Variants in TGFBR3 observed in about 807,000 individuals in gnomAD.
The protein encoded by TGFBR3 is transforming growth factor beta receptor type 3.
Under a neutral mutation model 87.9 loss-of-function variants are expected in TGFBR3, and 46 were observed. The observed-to-expected ratio is 0.52, with a 90% CI of 0.41 to 0.67. The LOEUF (loss-of-function observed/expected upper bound fraction) is 0.67, where lower values mean the gene tolerates loss of function less well. Ranked by LOEUF, TGFBR3 falls within the 30% of genes least tolerant of loss-of-function variation. TGFBR3 has a pLI of 0.00. For missense variants in TGFBR3, 866 were observed against 1,041.9 expected, an observed-to-expected ratio of 0.83 and a Z score of 2.32; for synonymous variants, 381 against 391.6, an observed-to-expected ratio of 0.97 and a Z score of 0.32.
At chr1:91,702,609 A>G (rs890021483) in intron 14 of TGFBR3, among the ~76,000 whole-genome samples, 2 of 152,252 alleles carry the variant, frequency 1.3e-5, no homozygotes, top group Non-Finnish European at 2.9e-5. Flanking sequence ...GATGAAATTA[A>G]ATTAAATGTC....
intron 1 of TGFBR3, among the ~76,000 whole-genome samples, chr1:91,879,220 G>T (rs1678975569): frequency 6.6e-6 from 1 of 151,314 alleles, no homozygotes; most frequent in South Asian, 2.1e-4. Context: ...AGTGAGCCAA[G>T]ATCACACCAC....
In TGFBR3 at chr1:91,712,251, A is replaced by C. The variant is rs541821566; in HGVS notation, c.2158T>G (p.Leu720Val). 2 of 1,614,014 alleles carry C rather than the reference A, an allele frequency of 1.2e-6. No individual in the cohort carries two copies. Among genetic ancestry groups the C allele is most frequent in the Non-Finnish European group, 1.7e-6 (2 of 1,180,008 alleles). Residue 720 changes from leucine to valine, a missense_variant, in exon 13 of 17, where the codon TTG becomes GTG. By Grantham distance (32) the Leu-to-Val change is conservative. Coordinates refer to ENST00000212355, the MANE Select transcript of TGFBR3 (RefSeq NM_003243.5). Reference sequence around the variant, plus strand: ...GATGAAGGCCCACAAACCTTAGGCAACTTCTGGGGGTGCTTCTCCATCTTC... The same window carrying C: ...GATGAAGGCCCACAAACCTTAGGCACCTTCTGGGGGTGCTTCTCCATCTTC... ...CTKMEKHPQK[L>V]PKCVPPDEAC...
upstream of TGFBR3, among the ~76,000 whole-genome samples, chr1:91,890,610 A>G (rs1252785631): frequency 3.3e-5 from 5 of 151,468 alleles, no homozygotes; most frequent in Non-Finnish European, 5.9e-5. Context: ...AGTAGAGACA[A>G]GGTTTCACCA....
At chr1:91,707,596 CAG>C (rs1256115320) in intron 14 of TGFBR3, among the ~76,000 whole-genome samples, 1 of 152,236 alleles carries the variant, frequency 6.6e-6, no homozygotes, top group Non-Finnish European at 1.5e-5. Context: ...TGGAGCCAGA[CAG>C]TGTGCTGGCT....
At chr1:91,837,764 C>T (rs1453039517) in intron 2 of TGFBR3, among the ~76,000 whole-genome samples, 1 of 151,964 alleles carries the variant, frequency 6.6e-6, no homozygotes, top group East Asian at 1.9e-4. Context: ...AATTAAAAAT[C>T]TTTCCCTTGC....
chr1:91,702,916 G>A (rs1671672943), intron 14 of TGFBR3, among the ~76,000 whole-genome samples: 1 of 151,976 alleles, frequency 6.6e-6, no homozygotes, highest in Admixed American at 6.6e-5. Context: ...GTGGTGGCAG[G>A]CACCTATAAT....
At chr1:91,788,503 T>G (rs1476709318) in intron 3 of TGFBR3, among the ~76,000 whole-genome samples, 1 of 152,224 alleles carries the variant, frequency 6.6e-6, no homozygotes, top group Non-Finnish European at 1.5e-5. Context: ...GTGTCTAAAC[T>G]TACACAGAAA....
intron 3 of TGFBR3, among the ~76,000 whole-genome samples, chr1:91,788,342 A>G (rs1675052202): frequency 1.3e-5 from 2 of 152,188 alleles, no homozygotes; most frequent in Admixed American, 6.5e-5. Context: ...GGCCACAGAG[A>G]GGGAAGAAGG....
At chr1:91,799,598 G>C (rs2101011040) in intron 2 of TGFBR3, among the ~76,000 whole-genome samples, 1 of 152,300 alleles carries the variant, frequency 6.6e-6, no homozygotes, top group Middle Eastern at 3.4e-3. Context: ...CTTCTGAACT[G>C]GTTGCAGAGC....
In TGFBR3 at chr1:91,700,991, A is replaced by C. The variant is rs547933090; in HGVS notation, c.2288-2861T>G. Among the ~76,000 whole-genome samples, 5 of 152,298 alleles carry C rather than the reference A, an allele frequency of 3.3e-5. No individual in the cohort carries two copies. The East Asian group carries it at 9.7e-4, about 29-fold the overall frequency. On this transcript the variant is annotated intron_variant, in intron 14 of 16. Transcript: ENST00000212355. Reference sequence around the variant, plus strand: ...CACACTTCTGGGAATAATTCCATCCAATCAACCACCCATGGTTAAACTTTC... The same window carrying C: ...CACACTTCTGGGAATAATTCCATCCCATCAACCACCCATGGTTAAACTTTC...
At chr1:91,815,209 G>A (rs886094259) in intron 2 of TGFBR3, among the ~76,000 whole-genome samples, 2 of 151,976 alleles carry the variant, frequency 1.3e-5, no homozygotes, top group Non-Finnish European at 2.9e-5. Context: ...GGCTGAGGTA[G>A]GAGAATCACT....
chr1:91,739,920 T>C (rs1673101594), intron 4 of TGFBR3, among the ~76,000 whole-genome samples: 1 of 152,132 alleles, frequency 6.6e-6, no homozygotes, highest in African/African-American at 2.4e-5. Flanking sequence ...TGCTACATAC[T>C]TTTAAATAAC....
At chr1:91,722,240 G>A in intron 7 of TGFBR3, 96 bp from the exon 8 acceptor site, 8 of 997,984 alleles carry the variant, frequency 8.0e-6, no homozygotes, top group Non-Finnish European at 1.5e-6. Context: ...ATTCTATATT[G>A]TATATGAGGG....
chr1:91,711,272 G>A (rs560129174), intron 13 of TGFBR3, among the ~76,000 whole-genome samples: 109 of 152,218 alleles, frequency 7.2e-4, no homozygotes, highest in Admixed American at 1.6e-3. Context: ...CTCTATTTTC[G>A]TATGCAAACA....
intron 3 of TGFBR3, among the ~76,000 whole-genome samples, chr1:91,767,324 T>G (rs193138245): frequency 7.5e-6 from 1 of 133,898 alleles, no homozygotes; most frequent in East Asian, 2.0e-4. Context: ...CTGAAGCTGG[T>G]AAGGAATTCT....
intron 4 of TGFBR3, among the ~76,000 whole-genome samples, chr1:91,739,340 C>T (rs1673071107): frequency 6.6e-6 from 1 of 152,144 alleles, no homozygotes; most frequent in African/African-American, 2.4e-5. Context: ...GGTCTTTTCA[C>T]CAGTTCGAGG....
intron 1 of TGFBR3, among the ~76,000 whole-genome samples, chr1:91,902,457 A>C (rs1045881465): frequency 6.6e-6 from 1 of 151,808 alleles, no homozygotes; most frequent in Non-Finnish European, 1.5e-5. Flanking sequence ...AATTTTTTTT[A>C]ATTTTTGTAG....
intron 15 of TGFBR3, among the ~76,000 whole-genome samples, chr1:91,697,888 A>G (rs1338752008): frequency 1.3e-5 from 2 of 152,182 alleles, no homozygotes; most frequent in East Asian, 3.9e-4. Context: ...GTAAAGGTGA[A>G]AGGGAAAAAG....
chr1:91,795,504 T>G (rs1465150918), intron 3 of TGFBR3, among the ~76,000 whole-genome samples: 2 of 152,198 alleles, frequency 1.3e-5, no homozygotes, highest in Non-Finnish European at 2.9e-5. Flanking sequence ...CGAGGTATTT[T>G]TCTCTTGTTT....
Sources: allele counts gnomAD v4.1 joint callset (sites outside exome capture counted in the v4.1 genomes callset), GRCh38; gene constraint gnomAD v4.1.1; transcripts MANE v1.5; gene names NCBI Gene and HGNC (gene_info 2026-07-23, HGNC 2026-07-21).